The following RABEP1 variants were observed in gnomAD, a reference collection of about 807,000 sequenced individuals.
RABEP1 encodes the protein rabaptin, RAB GTPase binding effector protein 1.
A neutral mutation model predicts 123.4 loss-of-function variants in RABEP1; 51 were observed. That is an observed-to-expected ratio of 0.41 (90% CI 0.33 to 0.52). The LOEUF is 0.52. Ranked by LOEUF, RABEP1 falls within the 20% of genes least tolerant of loss-of-function variation. The probability of loss-of-function intolerance (pLI) is 0.16; values close to 1 mark genes in which losing one functional copy is unlikely to be tolerated. For missense variants in RABEP1, 888 were observed against 996.3 expected (o/e 0.89, Z 1.46); for synonymous variants, 347 against 355.2 (o/e 0.98, Z 0.26).
chr17:5,329,841 AT>A, intron 2 of RABEP1, among the ~76,000 whole-genome samples: 1 of 133,518 alleles, frequency 7.5e-6, no homozygotes, highest in East Asian at 2.4e-4. Flanking sequence ...ATATATATAT[AT>A]ATAACTAAAG....
intron 8 of RABEP1, among the ~76,000 whole-genome samples, chr17:5,359,173 A>G (rs978431357): frequency 6.6e-6 from 1 of 151,374 alleles, no homozygotes; most frequent in Non-Finnish European, 1.5e-5. Flanking sequence ...TCCCGGGTTC[A>G]CGCCATTCTC....
At chr17:5,377,416 T>A in intron 14 of RABEP1, 111 bp downstream of exon 14, 37 of 655,416 alleles carry the variant, frequency 5.6e-5, no homozygotes, top group Non-Finnish European at 6.7e-5. Flanking sequence ...AGGAAAGAAT[T>A]TAGTAAGGAC....
At chr17:5,284,653 A>G (rs1186248444) in intron 1 of RABEP1, among the ~76,000 whole-genome samples, 2 of 146,874 alleles carry the variant, frequency 1.4e-5, no homozygotes, top group African/African-American at 4.9e-5. Flanking sequence ...TTTTGTAGAT[A>G]CGGCGTTTTG....
chr17:5,308,954 G>T, intron 2 of RABEP1, 132 bp downstream of exon 2: 1 of 948,202 alleles, frequency 1.1e-6, no homozygotes. Context: ...AAAGAATACT[G>T]TTTAAAGGCT....
chr17:5,321,184 G>A (rs1461475601), intron 2 of RABEP1, among the ~76,000 whole-genome samples: 1 of 152,154 alleles, frequency 6.6e-6, no homozygotes, highest in Non-Finnish European at 1.5e-5. Context: ...GCTCACACCT[G>A]TAATCCCAGC....
At chr17:5,367,912 AC>A (rs1170541132) in intron 11 of RABEP1, among the ~76,000 whole-genome samples, 1 of 150,270 alleles carries the variant, frequency 6.7e-6, no homozygotes, top group Non-Finnish European at 1.5e-5. Context: ...CCGCCACCAC[AC>A]CCAGCTAATT....
chr17:5,375,434 G>A (rs1344531114), intron 13 of RABEP1, among the ~76,000 whole-genome samples: 1 of 152,052 alleles, frequency 6.6e-6, no homozygotes, highest in African/African-American at 2.4e-5. Context: ...GCTGAGGCCT[G>A]CAATCCTAGC....
At chr17:5,358,092 G>GT (rs986935144) in intron 8 of RABEP1, among the ~76,000 whole-genome samples, 1 of 152,094 alleles carries the variant, frequency 6.6e-6, no homozygotes, top group Non-Finnish European at 1.5e-5. Context: ...TGAAAGGCAT[G>GT]TTTACAGTTA....
At chr17:5,382,221 A>G (rs1911532676) in intron 17 of RABEP1, among the ~76,000 whole-genome samples, 1 of 151,490 alleles carries the variant, frequency 6.6e-6, no homozygotes, top group Non-Finnish European at 1.5e-5. Flanking sequence ...AGCTGGGATT[A>G]CAAGTACACA....
chr17:5,325,720 GAA>G (rs199611553), intron 2 of RABEP1, among the ~76,000 whole-genome samples: 1 of 146,696 alleles, frequency 6.8e-6, no homozygotes. Flanking sequence ...TGGGATGAAA[GAA>G]AAAAAAAACC....
chr17:5,359,403 A>G (rs1279270826), intron 8 of RABEP1, among the ~76,000 whole-genome samples: 3 of 152,032 alleles, frequency 2.0e-5, no homozygotes, highest in Admixed American at 6.6e-5. Flanking sequence ...GGCCCTCACA[A>G]CTGTTCTATC....
At chr17:5,289,215 ATCTT>A (rs1382195515) in intron 1 of RABEP1, among the ~76,000 whole-genome samples, 6 of 137,394 alleles carry the variant, frequency 4.4e-5, no homozygotes, top group Non-Finnish European at 7.8e-5. Context: ...GCTGTTTCAC[ATCTT>A]TCTTTTGTGG....
At chr17:5,368,686 G>T (rs983971944) in intron 12 of RABEP1, among the ~76,000 whole-genome samples, 1 of 151,988 alleles carries the variant, frequency 6.6e-6, no homozygotes, top group Non-Finnish European at 1.5e-5. Flanking sequence ...TTTTCTCATC[G>T]TTTAACTTAT....
Position 5,282,327 on chromosome 17 carries a change from C to T in RABEP1, c.-160C>T, listed in dbSNP as rs1309810774. On this transcript the variant is annotated 5_prime_UTR_variant, in exon 1 of 18. Transcript: ENST00000537505. ...AGGTCGGCGGTCGGGTCCGTCTCTG[C>T]CCGCGGCTGTGGCGGCGCCGGCGGA... The T allele has an allele frequency of 4.0e-6, 2 of 495,610 alleles. No homozygotes were observed. Among genetic ancestry groups the T allele is most frequent in the Non-Finnish European group, 6.4e-6 (2 of 310,802 alleles). The allele number at this position is 495,610 out of a possible 1,614,324, so 30.7% of individuals were successfully genotyped here.
chr17:5,325,751 T>C (rs1905911142), intron 2 of RABEP1, among the ~76,000 whole-genome samples: 1 of 151,514 alleles, frequency 6.6e-6, no homozygotes, highest in Admixed American at 6.6e-5. Context: ...TTTAGGGTGA[T>C]AGATACCCGA....
At chr17:5,347,885 C>T (rs919184720) in intron 6 of RABEP1, among the ~76,000 whole-genome samples, 6 of 152,180 alleles carry the variant, frequency 3.9e-5, no homozygotes, top group Admixed American at 6.5e-5. Flanking sequence ...AGACTACCAA[C>T]CTTCCTAATA....
At chr17:5,284,434 C>T (rs2074957906) in intron 1 of RABEP1, among the ~76,000 whole-genome samples, 1 of 151,710 alleles carries the variant, frequency 6.6e-6, no homozygotes, top group East Asian at 1.9e-4. Context: ...TGCCTTGTGT[C>T]AGTGCCTTAG....
intron 15 of RABEP1, 115 bp downstream of exon 15, chr17:5,378,347 A>G (rs1911174186): frequency 9.7e-7 from 1 of 1,034,860 alleles, no homozygotes; most frequent in Admixed American, 1.9e-5. Flanking sequence ...GCCTTAAGGA[A>G]CTTTTGTCTT....
intron 1 of RABEP1, among the ~76,000 whole-genome samples, chr17:5,294,633 C>CTTTTTTTT (rs1185209680): frequency 0.013 from 691 of 52,998 alleles, 215 homozygotes; most frequent in Non-Finnish European, 0.019. Context: ...ACGGTATTGT[C>CTTTTTTTT]TTTTTTTTTT....
Sources: gnomAD v4.1 joint callset for allele counts (sites outside exome capture counted in the v4.1 genomes callset) on GRCh38, gnomAD v4.1.1 for gene constraint, MANE v1.5 for transcripts, NCBI Gene and HGNC (gene_info 2026-07-23, HGNC 2026-07-21) for gene names.